Variants in MKLN1 observed in about 807,000 individuals in gnomAD.
MKLN1 encodes muskelin.
Under a neutral mutation model 99.0 loss-of-function variants are expected in MKLN1, and 18 were observed. The observed-to-expected ratio is 0.18, with a 90% CI of 0.13 to 0.27. The LOEUF is 0.27. Ranked by LOEUF, MKLN1 falls within the 10% of genes least tolerant of loss-of-function variation. MKLN1 has a pLI of 1.00. For synonymous variants in MKLN1, 288 were observed against 293.2 expected, an observed-to-expected ratio of 0.98 and a Z score of 0.18; for missense variants, 621 against 875.9, an observed-to-expected ratio of 0.71 and a Z score of 3.67.
At chr7:131,452,961 A>G (rs1420961180) in intron 12 of MKLN1, among the ~76,000 whole-genome samples, 1 of 152,194 alleles carries the variant, frequency 6.6e-6, no homozygotes, top group African/African-American at 2.4e-5. Flanking sequence ...TGGACTAGAA[A>G]ATGGTAGCGC....
intron 3 of MKLN1, among the ~76,000 whole-genome samples, chr7:131,322,727 C>T (rs1423461853): frequency 2.0e-5 from 3 of 151,456 alleles, no homozygotes; most frequent in African/African-American, 7.3e-5. Context: ...CCCGCCACCG[C>T]GCCCGGCTAA....
At chr7:131,378,135 G>A (rs929348746) in intron 2 of MKLN1, among the ~76,000 whole-genome samples, 2 of 152,052 alleles carry the variant, frequency 1.3e-5, no homozygotes, top group Non-Finnish European at 1.5e-5. Context: ...TTTTGAGACC[G>A]AATTTTGCTC....
Position 131,413,253 on chromosome 7 carries a change from G to A in MKLN1, c.782-1392G>A, listed in dbSNP as rs143913212. ...GATAAAGGATTTGGAGGGAACTTCT[G>A]GATGATTAGCCGCTGAATACAGTAG... On this transcript the variant is annotated intron_variant, in intron 7 of 17. Coordinates refer to ENST00000352689, the MANE Select transcript of MKLN1 (RefSeq NM_013255.5). Among the ~76,000 whole-genome samples the A allele has an allele frequency of 8.5e-5, 13 of 152,266 alleles. 1 individual carries two copies. The East Asian group carries it at 2.5e-3, about 29-fold the overall frequency.
At chr7:131,456,631 C>T (rs1356623946) in intron 12 of MKLN1, among the ~76,000 whole-genome samples, 1 of 152,180 alleles carries the variant, frequency 6.6e-6, no homozygotes, top group Non-Finnish European at 1.5e-5. Context: ...TTCATTTCTT[C>T]TTCTCTTCTC....
intron 3 of MKLN1, among the ~76,000 whole-genome samples, chr7:131,220,947 C>A (rs981011760): frequency 6.6e-6 from 1 of 152,018 alleles, no homozygotes; most frequent in African/African-American, 2.4e-5. Context: ...CTATGAAATA[C>A]CTGTATTTCT....
intron 1 of MKLN1, among the ~76,000 whole-genome samples, chr7:131,126,484 G>A (rs954714476): frequency 6.6e-6 from 1 of 152,224 alleles, no homozygotes; most frequent in Middle Eastern, 3.4e-3. Flanking sequence ...GAGAATGTAG[G>A]TACATTTAAC....
intron 3 of MKLN1, among the ~76,000 whole-genome samples, chr7:131,238,133 T>A (rs568944345): frequency 6.6e-6 from 1 of 151,908 alleles, no homozygotes; most frequent in African/African-American, 2.4e-5. Context: ...GGCGACAGAG[T>A]GAGACCCTGT....
intron 3 of MKLN1, among the ~76,000 whole-genome samples, chr7:131,263,900 A>G (rs1797770997): frequency 6.6e-6 from 1 of 152,120 alleles, no homozygotes; most frequent in Non-Finnish European, 1.5e-5. Flanking sequence ...GGTTGTCCCC[A>G]CTTTACCTGT....
chr7:131,369,162 C>T (rs942331730), intron 1 of MKLN1, among the ~76,000 whole-genome samples: 3 of 152,106 alleles, frequency 2.0e-5, no homozygotes, highest in African/African-American at 7.2e-5. Flanking sequence ...TTTATTTGAT[C>T]ATTTCCTTGC....
chr7:131,182,698 T>G (rs1248484298), intron 2 of MKLN1, among the ~76,000 whole-genome samples: 1 of 151,980 alleles, frequency 6.6e-6, no homozygotes, highest in Admixed American at 6.5e-5. Flanking sequence ...TAGTGTCACC[T>G]TTTTGTGAAA....
chr7:131,470,021 A>T (rs1428986704), intron 15 of MKLN1, among the ~76,000 whole-genome samples: 1 of 152,002 alleles, frequency 6.6e-6, no homozygotes, highest in African/African-American at 2.4e-5. Flanking sequence ...GACTGTAGGC[A>T]TGTGCCACCG....
At chr7:131,248,071 TTTA>T (rs143260070) in intron 3 of MKLN1, among the ~76,000 whole-genome samples, 41,627 of 116,280 alleles carry the variant, frequency 0.36, 7,260 homozygotes, top group African/African-American at 0.61. Flanking sequence ...GCTAATTACA[TTTA>T]TTATTTATTT....
At chr7:131,137,910 T>TTAAGCAAAA in intron 1 of MKLN1, among the ~76,000 whole-genome samples, 1 of 137,158 alleles carries the variant, frequency 7.3e-6, no homozygotes. Context: ...GTCTTGTCTT[T>TTAAGCAAAA]TCTTTCTTTC....
At chr7:131,300,046 A>C (rs1798352981) in intron 3 of MKLN1, among the ~76,000 whole-genome samples, 3 of 152,196 alleles carry the variant, frequency 2.0e-5, no homozygotes, top group African/African-American at 7.2e-5. Context: ...AAGGGTTAAT[A>C]ATTATAACTA....
intron 17 of MKLN1, among the ~76,000 whole-genome samples, chr7:131,479,451 G>T (rs1797057684): frequency 6.6e-6 from 1 of 152,086 alleles, no homozygotes; most frequent in Admixed American, 6.5e-5. Context: ...GATCACTTGA[G>T]CCCAGGAGGT....
chr7:131,342,576 G>T (rs1799440291), intron 1 of MKLN1, among the ~76,000 whole-genome samples: 1 of 152,140 alleles, frequency 6.6e-6, no homozygotes, highest in Non-Finnish European at 1.5e-5. Context: ...CACAAAAGAA[G>T]ACAGGTTTTT....
At chr7:131,141,918 T>C (rs1187992654) in intron 1 of MKLN1, among the ~76,000 whole-genome samples, 1 of 152,174 alleles carries the variant, frequency 6.6e-6, no homozygotes, top group Non-Finnish European at 1.5e-5. Context: ...AAGTATTTGG[T>C]ACAAAAAACA....
chr7:131,262,739 C>T lies in MKLN1; in HGVS notation c.-179+59765C>T, dbSNP rs192378396. Among the ~76,000 whole-genome samples, 702 of 151,894 alleles carry T rather than the reference C, an allele frequency of 4.6e-3. 4 individuals are homozygous for T. Among genetic ancestry groups the T allele is most frequent in the African/African-American group, 0.016 (672 of 41,486 alleles). Reference sequence around the variant, plus strand: ...CTAATTTTTGTATTTTTAGTAGAGACGGGGTTTCACCACGTTGGCCAGGAT... The same window carrying T: ...CTAATTTTTGTATTTTTAGTAGAGATGGGGTTTCACCACGTTGGCCAGGAT... On this transcript the variant is annotated intron_variant, in intron 3 of 7. Transcript: ENST00000416992.
At chr7:131,130,255 A>G (rs984294762) in intron 1 of MKLN1, among the ~76,000 whole-genome samples, 1 of 152,254 alleles carries the variant, frequency 6.6e-6, no homozygotes, top group African/African-American at 2.4e-5. Context: ...AACAAATACC[A>G]TATGCCTAGG....
Sources: gnomAD v4.1 joint callset for allele counts (sites outside exome capture counted in the v4.1 genomes callset) on GRCh38, gnomAD v4.1.1 for gene constraint, MANE v1.5 for transcripts, NCBI Gene and HGNC (gene_info 2026-07-23, HGNC 2026-07-21) for gene names.